The following OPCML variants were observed in gnomAD, a reference collection of about 807,000 sequenced individuals.
The protein encoded by OPCML is opioid-binding protein/cell adhesion molecule.
Under a neutral mutation model 37.8 loss-of-function variants are expected in OPCML, and 13 were observed. The ratio of observed to expected loss-of-function variants is 0.34; its 90% confidence interval spans 0.22 to 0.55. The LOEUF is 0.55. Ranked by LOEUF, OPCML falls within the 20% of genes least tolerant of loss-of-function variation. The pLI, the probability that OPCML is intolerant of heterozygous loss-of-function variation, is 0.91. For synonymous variants in OPCML, 176 were observed against 168.8 expected, an observed-to-expected ratio of 1.04 and a Z score of -0.33; for missense variants, 341 against 435.6, an observed-to-expected ratio of 0.78 and a Z score of 1.93.
Position 133,508,296 on chromosome 11 carries a change from G to A in OPCML, c.61+23968C>T, listed in dbSNP as rs376118228. The stretch of plus-strand genomic sequence containing the variant: ...AAATCAGAGGAAGGTTATAGGCCTG[G>A]GTGCAGCCCAGGATTCTTCATTTCC... On this transcript the variant is annotated intron_variant, in intron 1 of 7. Transcript: ENST00000524381. 2.6e-5 allele frequency among the ~76,000 whole-genome samples: 4 copies of A among 152,222 alleles called. No individual in the cohort carries two copies. The East Asian group carries it at 7.7e-4, about 29-fold the overall frequency.
chr11:133,109,087 G>T (rs1276166623), intron 1 of OPCML, among the ~76,000 whole-genome samples: 1 of 152,122 alleles, frequency 6.6e-6, no homozygotes, highest in African/African-American at 2.4e-5. Context: ...AGGTTAATTG[G>T]TTTCTCTAGC....
intron 2 of OPCML, among the ~76,000 whole-genome samples, chr11:132,690,445 G>A (rs570171372): frequency 3.9e-5 from 6 of 152,292 alleles, no homozygotes; most frequent in East Asian, 1.9e-4. Flanking sequence ...TATCATCTCC[G>A]AGTGCCTATT....
chr11:132,876,258 T>G (rs943019798), intron 2 of OPCML, among the ~76,000 whole-genome samples: 2 of 152,190 alleles, frequency 1.3e-5, no homozygotes, highest in Non-Finnish European at 2.9e-5. Context: ...GAAGACTCAG[T>G]GCTCACAGAA....
At chr11:132,631,352 C>CATAGATATATAT (rs887100264) in intron 3 of OPCML, among the ~76,000 whole-genome samples, 1 of 142,756 alleles carries the variant, frequency 7.0e-6, no homozygotes, top group Non-Finnish European at 1.5e-5. Context: ...ACCATATATA[C>CATAGATATATAT]ATATATATAT....
chr11:133,058,223 C>T (rs1382032804), intron 1 of OPCML, among the ~76,000 whole-genome samples: 1 of 152,130 alleles, frequency 6.6e-6, no homozygotes, highest in Admixed American at 6.5e-5. Flanking sequence ...GGGTTTGATT[C>T]TTCCTTGGTT....
At chr11:133,030,584 A>G (rs1179038442) in intron 1 of OPCML, among the ~76,000 whole-genome samples, 3 of 152,230 alleles carry the variant, frequency 2.0e-5, no homozygotes, top group Non-Finnish European at 4.4e-5. Flanking sequence ...GAAGTGCAAG[A>G]TATTATTAAT....
chr11:133,462,894 T>C (rs775656774), intron 1 of OPCML, among the ~76,000 whole-genome samples: 2 of 152,172 alleles, frequency 1.3e-5, no homozygotes, highest in Non-Finnish European at 2.9e-5. Flanking sequence ...ATGTTTATAA[T>C]AGCCTTCATT....
chr11:132,522,395 T>C (rs1347940420), intron 4 of OPCML, among the ~76,000 whole-genome samples: 1 of 152,254 alleles, frequency 6.6e-6, no homozygotes, highest in Non-Finnish European at 1.5e-5. Context: ...CCAAGGCTGC[T>C]GGCACATTCA....
intron 4 of OPCML, among the ~76,000 whole-genome samples, chr11:132,500,304 G>T (rs1298629765): frequency 1.3e-5 from 2 of 152,150 alleles, no homozygotes; most frequent in Non-Finnish European, 1.5e-5. Context: ...AATTTGATAG[G>T]TCTGGGGTGG....
chr11:132,694,922 A>G (rs1451837082), intron 2 of OPCML, among the ~76,000 whole-genome samples: 1 of 152,310 alleles, frequency 6.6e-6, no homozygotes, highest in East Asian at 1.9e-4. Flanking sequence ...ACTACGTATG[A>G]TAGAGAGAAA....
At chr11:132,772,681 C>T (rs761333603) in intron 2 of OPCML, 3 of 152,116 alleles carry the variant, frequency 2.0e-5, no homozygotes, top group East Asian at 1.9e-4. Flanking sequence ...AATAAGAGCA[C>T]GCTATCCATT....
intron 4 of OPCML, among the ~76,000 whole-genome samples, chr11:132,497,044 T>A (rs1394171846): frequency 6.6e-6 from 1 of 152,140 alleles, no homozygotes; most frequent in Non-Finnish European, 1.5e-5. Context: ...AGTGATACCA[T>A]GGAATACTAT....
chr11:132,751,371 T>A (rs1264869155), intron 2 of OPCML, among the ~76,000 whole-genome samples: 1 of 152,112 alleles, frequency 6.6e-6, no homozygotes, highest in Non-Finnish European at 1.5e-5. Flanking sequence ...TACAGCAGGG[T>A]GCTGCAGTGT....
chr11:133,197,682 T>C (rs1938588532), intron 1 of OPCML, among the ~76,000 whole-genome samples: 1 of 152,228 alleles, frequency 6.6e-6, no homozygotes, highest in African/African-American at 2.4e-5. Context: ...TCCGAGTCAA[T>C]AGCTACATTG....
At chr11:133,057,123 G>A (rs1373688970) in intron 1 of OPCML, among the ~76,000 whole-genome samples, 4 of 152,210 alleles carry the variant, frequency 2.6e-5, no homozygotes, top group African/African-American at 9.6e-5. Flanking sequence ...GATTACAGGC[G>A]TGAGCTGCTG....
At chr11:132,494,213 C>T (rs909633765) in intron 4 of OPCML, among the ~76,000 whole-genome samples, 1 of 152,148 alleles carries the variant, frequency 6.6e-6, no homozygotes, top group African/African-American at 2.4e-5. Flanking sequence ...TCAGTTGAAA[C>T]GTGTTGGGTT....
At chr11:133,036,972 A>T (rs1947794579) in intron 1 of OPCML, among the ~76,000 whole-genome samples, 1 of 151,980 alleles carries the variant, frequency 6.6e-6, no homozygotes, top group Non-Finnish European at 1.5e-5. Flanking sequence ...CAAGACCATG[A>T]CCTTGGTCCT....
intron 1 of OPCML, among the ~76,000 whole-genome samples, chr11:133,295,650 A>G (rs1435249853): frequency 1.3e-5 from 2 of 152,230 alleles, no homozygotes; most frequent in African/African-American, 4.8e-5. Context: ...CGCTCCCTAG[A>G]CAGAGCACCC....
intron 1 of OPCML, among the ~76,000 whole-genome samples, chr11:133,478,663 A>C (rs762401182): frequency 2.0e-4 from 31 of 152,218 alleles, no homozygotes; most frequent in Non-Finnish European, 1.2e-4. Flanking sequence ...CTTCCTTTGA[A>C]AGGCCATTGA....
Sources: gnomAD v4.1 joint callset for allele counts (sites outside exome capture counted in the v4.1 genomes callset) on GRCh38, gnomAD v4.1.1 for gene constraint, MANE v1.5 for transcripts, NCBI Gene and HGNC (gene_info 2026-07-23, HGNC 2026-07-21) for gene names.